The following ZBTB38 variants were observed in gnomAD, a reference collection of about 807,000 sequenced individuals.
ZBTB38 encodes zinc finger and BTB domain-containing protein 38.
In ZBTB38, 20 loss-of-function variants were observed where a neutral mutation model predicts 76.8. The observed-to-expected ratio is 0.26, with a 90% CI of 0.18 to 0.38. ZBTB38 has a LOEUF of 0.38. Ranked by LOEUF, ZBTB38 falls within the 10% of genes least tolerant of loss-of-function variation. The pLI, the probability that ZBTB38 is intolerant of heterozygous loss-of-function variation, is 1.00. For missense variants in ZBTB38, 1,082 were observed against 1,482.3 expected (o/e 0.73, Z 4.43); for synonymous variants, 504 against 544.2 (o/e 0.93, Z 1.03).
chr3:141,401,891 T>C (rs1178786629), intron 4 of ZBTB38, among the ~76,000 whole-genome samples: 1 of 152,234 alleles, frequency 6.6e-6, no homozygotes, highest in African/African-American at 2.4e-5. Flanking sequence ...AGGCCTCTCT[T>C]GACGGCCATG....
Position 141,443,075 on chromosome 3 carries a change from T to C in ZBTB38, c.687T>C (p.Ala229=), listed in dbSNP as rs369305072. 38 of 1,614,098 alleles carry C rather than the reference T, an allele frequency of 2.4e-5. No individual in the cohort carries two copies. Among genetic ancestry groups the C allele is most frequent in the Non-Finnish European group, 3.1e-5 (36 of 1,180,048 alleles). Reference sequence around the variant, plus strand: ...ACTCATACGCTGTTTCTTCCGTAGCTGAAGCTTACAGAAGTCAGCCTGTAC... The same window carrying C: ...ACTCATACGCTGTTTCTTCCGTAGCCGAAGCTTACAGAAGTCAGCCTGTAC... The part of the protein sequence containing the change: ...AEHSYAVSSV[A]EAYRSQPVRE... The change falls in exon 6 of 6, where the codon GCT becomes GCC. Residue 229 remains alanine (A), a synonymous_variant. Coordinates refer to ENST00000321464, the MANE Select transcript of ZBTB38 (RefSeq NM_001376113.1). This position sits in a 1 kb window ranked among gnomAD's most constrained non-coding sequence, Gnocchi z 5.6.
intron 5 of ZBTB38, among the ~76,000 whole-genome samples, chr3:141,434,631 A>C (rs1377947940): frequency 6.6e-6 from 1 of 152,172 alleles, no homozygotes; most frequent in Admixed American, 6.5e-5. Context: ...TTTATTATAT[A>C]AGGCTGAAGC....
intron 5 of ZBTB38, among the ~76,000 whole-genome samples, chr3:141,409,775 G>A (rs1164525498): frequency 3.9e-5 from 6 of 152,202 alleles, no homozygotes; most frequent in African/African-American, 1.4e-4. Flanking sequence ...CACTGTCACT[G>A]TGCTGGGCTA....
At position 141,444,949 on chromosome 3, in the gene ZBTB38, T is replaced by C. The variant is rs1192259319; in HGVS notation, c.2561T>C (p.Leu854Pro). The part of the protein sequence containing the change: ...GNEAIVKRHI[L>P]GSKLFYKRGR... Reference sequence around the variant, plus strand: ...GAAGCCATTGTGAAAAGGCACATTCTAGGATCTAAATTGTTTTATAAAAGA... The same window carrying C: ...GAAGCCATTGTGAAAAGGCACATTCCAGGATCTAAATTGTTTTATAAAAGA... Residue 854 changes from leucine to proline, a missense_variant, in exon 6 of 6, where the codon CTA becomes CCA. By Grantham distance (98) the Leu-to-Pro change is moderately conservative. Around this residue, in one of 8 missense-constraint regions of ZBTB38, gnomAD observed 471 missense variants for 581.0 expected, o/e 0.81. Coordinates refer to ENST00000321464, the MANE Select transcript of ZBTB38 (RefSeq NM_001376113.1). This position sits in a 1 kb window ranked among gnomAD's most constrained non-coding sequence, Gnocchi z 5.1. 2.5e-6 allele frequency: 4 copies of C among 1,614,180 alleles called. No homozygotes were observed. The highest frequency in any genetic ancestry group is 1.3e-5 in the African/African-American group (1 of 75,014).
At chr3:141,434,225 G>C in intron 5 of ZBTB38, 1 of 985,098 alleles carries the variant, frequency 1.0e-6, no homozygotes, top group Non-Finnish European at 1.2e-6. Flanking sequence ...ACTGAGACAA[G>C]AACAAATGAG....
At chr3:141,424,660 G>A (rs1028314812) in intron 5 of ZBTB38, among the ~76,000 whole-genome samples, 1 of 152,158 alleles carries the variant, frequency 6.6e-6, no homozygotes, top group Non-Finnish European at 1.5e-5. Flanking sequence ...GTGTGTGTGT[G>A]TGTGTGGTGG....
At chr3:141,326,755 T>G (rs1026317896) in intron 1 of ZBTB38, among the ~76,000 whole-genome samples, 3 of 152,248 alleles carry the variant, frequency 2.0e-5, no homozygotes, top group African/African-American at 7.2e-5. Context: ...TATTTATCTA[T>G]AATACAATGA....
chr3:141,417,926 A>G (rs1040941113), intron 5 of ZBTB38, among the ~76,000 whole-genome samples: 9 of 152,176 alleles, frequency 5.9e-5, no homozygotes, highest in Non-Finnish European at 1.3e-4. Flanking sequence ...AGGCAGGAGA[A>G]TCATTTGAAC....
At chr3:141,333,686 C>T (rs2148886771) in intron 1 of ZBTB38, among the ~76,000 whole-genome samples, 1 of 151,354 alleles carries the variant, frequency 6.6e-6, no homozygotes, top group South Asian at 2.1e-4. Flanking sequence ...CCCAGCCTTG[C>T]ATTGACCCCT....
chr3:141,332,584 T>C (rs1942885983), intron 1 of ZBTB38, among the ~76,000 whole-genome samples: 1 of 152,174 alleles, frequency 6.6e-6, no homozygotes, highest in African/African-American at 2.4e-5. Flanking sequence ...TCAGGGGCTA[T>C]AATATGTAAT....
chr3:141,359,784 A>T (rs1279827608), intron 1 of ZBTB38, among the ~76,000 whole-genome samples: 1 of 152,128 alleles, frequency 6.6e-6, no homozygotes, highest in Non-Finnish European at 1.5e-5. Flanking sequence ...TTAAAAAATT[A>T]GCCAGGCATG....
chr3:141,444,009 A>G lies in ZBTB38; in HGVS notation c.1621A>G (p.Ile541Val). 1 of 1,614,204 alleles carries G rather than the reference A, an allele frequency of 6.2e-7. No individual in the cohort carries two copies. The highest frequency in any genetic ancestry group is 8.5e-7 in the Non-Finnish European group (1 of 1,180,036). The stretch of plus-strand genomic sequence containing the variant: ...AAATCATCAGAAGTCTTTCCATGCC[A>G]TCGATCATAGACTTTCCATCAGTAA... ...LKNHQKSFHA[I>V]DHRLSISKKT... Residue 541 changes from isoleucine (I) to valine (V), a missense_variant, in exon 6 of 6, where the codon ATC becomes GTC. Physicochemically the swap from Ile to Val is conservative, Grantham distance 29 (BLOSUM62 3). This residue lies in a region of ZBTB38 where 60 missense variants were observed against 126.0 expected (regional missense o/e 0.48). Coordinates refer to ENST00000321464, the MANE Select transcript of ZBTB38 (RefSeq NM_001376113.1). This position sits in a 1 kb window ranked among gnomAD's most constrained non-coding sequence, Gnocchi z 5.1.
chr3:141,333,092 C>T (rs951355179), intron 1 of ZBTB38, among the ~76,000 whole-genome samples: 1 of 152,190 alleles, frequency 6.6e-6, no homozygotes, highest in Non-Finnish European at 1.5e-5. Context: ...GTGAGTTCTA[C>T]AAGGGGTTGG....
Position 141,447,541 on chromosome 3 carries a change from G to A in ZBTB38, c.*1565G>A, listed in dbSNP as rs901101301. The A allele has an allele frequency of 6.6e-6, 1 of 152,634 alleles. No homozygotes were observed. The highest frequency in any genetic ancestry group is 2.4e-5 in the African/African-American group (1 of 41,450). The allele number at this position is 152,634 out of a possible 1,614,324, so 9.5% of individuals were successfully genotyped here. A position where few individuals can be genotyped will look rare whatever the true frequency, so the allele number is the denominator to read the frequency against. On this transcript the variant is annotated 3_prime_UTR_variant, in exon 6 of 6. Transcript: ENST00000321464. ...AAACTGCCAGAATAGAAGGGAGAGA[G>A]AAAACATTTCTACCCTTTGATCACC...
Position 141,335,738 on chromosome 3 carries a change from A to G in ZBTB38, c.-739+11282A>G, listed in dbSNP as rs535543600. On this transcript the variant is annotated intron_variant, in intron 1 of 7. Coordinates refer to the ZBTB38 transcript ENST00000509842. ...CTCTCCATGACATGTTGGTCCCACCAGTTTCTATCAATCACATCCGCATGC... is the reference window on the plus strand; with the variant it reads ...CTCTCCATGACATGTTGGTCCCACCGGTTTCTATCAATCACATCCGCATGC... Among the ~76,000 whole-genome samples the G allele has an allele frequency of 5.3e-5, 8 of 152,352 alleles. No individual in the cohort carries two copies. In the South Asian group the frequency reaches 1.7e-3, roughly 32 times the overall value.
At chr3:141,336,518 CATTT>C (rs1374551240) in intron 1 of ZBTB38, among the ~76,000 whole-genome samples, 1 of 151,850 alleles carries the variant, frequency 6.6e-6, no homozygotes, top group Non-Finnish European at 1.5e-5. Context: ...TTAATTAATT[CATTT>C]ATTTATTATA....
chr3:141,437,501 G>T (rs2079073921), intron 5 of ZBTB38, among the ~76,000 whole-genome samples: 1 of 152,062 alleles, frequency 6.6e-6, no homozygotes, highest in African/African-American at 2.4e-5. Context: ...TTCTCTTATG[G>T]CACTGAGTTT....
chr3:141,439,887 T>C (rs2079707445), intron 5 of ZBTB38, among the ~76,000 whole-genome samples: 1 of 152,074 alleles, frequency 6.6e-6, no homozygotes, highest in Admixed American at 6.6e-5. Context: ...AGAAAGGAGA[T>C]CCTACAGGGG....
Position 141,444,728 on chromosome 3 carries a change from T to G in ZBTB38, c.2340T>G (p.Thr780=). The change falls in exon 6 of 6, where the codon ACT becomes ACG. Residue 780 remains threonine, a synonymous_variant. Coordinates refer to ENST00000321464, the MANE Select transcript of ZBTB38 (RefSeq NM_001376113.1). This position sits in a 1 kb window ranked among gnomAD's most constrained non-coding sequence, Gnocchi z 5.1. ...AAAGCATTAAGGAGAAAAAGAAAAC[T>G]ACATCACATACCAGGGGAGAAATAC... ...RPKSIKEKKK[T]TSHTRGEIPE... 6.2e-7 allele frequency: 1 copy of G among 1,614,088 alleles called. No individual in the cohort carries two copies.
Sources: allele counts gnomAD v4.1 joint callset (sites outside exome capture counted in the v4.1 genomes callset), GRCh38; gene constraint gnomAD v4.1.1; regional missense constraint gnomAD v4.1.1; non-coding constraint Gnocchi (gnomAD v3.1); transcripts MANE v1.5; gene names NCBI Gene and HGNC (gene_info 2026-07-23, HGNC 2026-07-21).